The following CYTIP variants were observed in gnomAD, a reference collection of about 807,000 sequenced individuals.
CYTIP encodes cytohesin-interacting protein.
In CYTIP, 26 loss-of-function variants were observed where a neutral mutation model predicts 43.8. That is an observed-to-expected ratio of 0.59 (90% CI 0.44 to 0.82). CYTIP has a LOEUF of 0.82. Ranked by LOEUF, CYTIP falls within the 40% of genes least tolerant of loss-of-function variation. The pLI, the probability that CYTIP is intolerant of heterozygous loss-of-function variation, is 0.00. For missense variants in CYTIP, 426 were observed against 443.1 expected, an observed-to-expected ratio of 0.96 and a Z score of 0.35; for synonymous variants, 162 against 162.9, an observed-to-expected ratio of 0.99 and a Z score of 0.04.
chr2:157,434,181 T>C (rs1448529048), intron 3 of CYTIP, 189 bp downstream of exon 3: 1 of 632,770 alleles, frequency 1.6e-6, no homozygotes, highest in African/African-American at 1.9e-5. Context: ...TTTGTTATCA[T>C]CTTCAATGTT....
chr2:157,440,660 T>A (rs1210242426), intron 1 of CYTIP, among the ~76,000 whole-genome samples: 1 of 152,114 alleles, frequency 6.6e-6, no homozygotes, highest in Non-Finnish European at 1.5e-5. Context: ...AACTTATAGA[T>A]GAAATCAGCC....
At position 157,418,571 on chromosome 2, in the gene CYTIP, AT is replaced by A; in HGVS notation, c.564del (p.Lys188AsnfsTer63). On this transcript the variant is annotated frameshift_variant, in exon 7 of 8. Coordinates refer to ENST00000264192, the MANE Select transcript of CYTIP (RefSeq NM_004288.5). LOFTEE classifies it high-confidence loss of function. ...AACTGCAGAGATCTGTACTCCACCC[AT>A]TTTTGTTTCAAAGTTTGCTGTGAGA... ...LQVLKQTLKQ[K>X]WVEYRSLQLQ... is the part of the protein sequence containing the mutation. 6.5e-7 allele frequency: 1 copy of A among 1,549,618 alleles called. No homozygotes were observed. Among genetic ancestry groups the A allele is most frequent in the Admixed American group, 1.9e-5 (1 of 52,134 alleles).
chr2:157,425,408 T>G (rs1331781642), intron 6 of CYTIP, among the ~76,000 whole-genome samples: 1 of 152,154 alleles, frequency 6.6e-6, no homozygotes, highest in South Asian at 2.1e-4. Context: ...CTACCAGCTA[T>G]AGAACAAAAA....
At chr2:157,440,091 CG>C (rs904107507) in intron 1 of CYTIP, among the ~76,000 whole-genome samples, 2 of 152,094 alleles carry the variant, frequency 1.3e-5, no homozygotes, top group Admixed American at 6.6e-5. Flanking sequence ...GGGGAGGGTG[CG>C]GGGGAGAGGT....
At chr2:157,417,088 A>G (rs1280201926) in intron 7 of CYTIP, among the ~76,000 whole-genome samples, 1 of 152,024 alleles carries the variant, frequency 6.6e-6, no homozygotes, top group African/African-American at 2.4e-5. Flanking sequence ...TACACTCTAA[A>G]ATGGTTTTAT....
intron 5 of CYTIP, among the ~76,000 whole-genome samples, 171 bp from the exon 6 acceptor site, chr2:157,427,591 A>C (rs1327206775): frequency 6.6e-6 from 1 of 152,244 alleles, no homozygotes; most frequent in Admixed American, 6.5e-5. Flanking sequence ...ACCAAAGCCA[A>C]ATCTTCTGAT....
At chr2:157,441,290 A>G (rs926799836) in intron 1 of CYTIP, among the ~76,000 whole-genome samples, 1 of 152,204 alleles carries the variant, frequency 6.6e-6, no homozygotes, top group African/African-American at 2.4e-5. Context: ...ATTATTCTCT[A>G]AAAACCAGTT....
chr2:157,420,196 G>T (rs62175244), intron 6 of CYTIP, among the ~76,000 whole-genome samples: 1 of 152,064 alleles, frequency 6.6e-6, no homozygotes, highest in Admixed American at 6.5e-5. Flanking sequence ...TAATTAGCTG[G>T]GTATGGTGGT....
rs188917654 is a variant in CYTIP, at chr2:157,427,211, G to A, written c.546+140C>T. The A allele has an allele frequency of 6.1e-4, 398 of 657,676 alleles. 1 individual carries two copies. Among genetic ancestry groups the A allele is most frequent in the Non-Finnish European group, 8.8e-4 (344 of 392,128 alleles). 40.7% of individuals were successfully genotyped at this position (657,676 alleles called of 1,614,324 possible). ...GATATTCCTCCAAAGGTAATTGTGC[G>A]GCTCTTGATAATTCAGCAGTTTAGA... is the stretch of plus-strand genomic sequence containing the variant. On this transcript the variant is annotated intron_variant, in intron 6 of 7. Transcript: ENST00000264192.
intron 1 of CYTIP, chr2:157,439,080 G>T: frequency 5.1e-6 from 1 of 196,404 alleles, no homozygotes. Context: ...ACTAGTTAAA[G>T]ATGAAAATAT....
At position 157,415,588 on chromosome 2, in the gene CYTIP, ATTC is replaced by A. The variant is rs1452882573; in HGVS notation, c.*86_*88del. 1.3e-5 allele frequency: 11 copies of A among 861,674 alleles called. No homozygotes were observed. The highest frequency in any genetic ancestry group is 2.5e-5 in the Admixed American group (1 of 39,352). 53.4% of individuals were successfully genotyped at this position (861,674 alleles called of 1,614,324 possible). ...TGTGAAATGGGATGTCAGTTTTGCA[ATTC>A]TTCTGCACTTTCCCACCAAGCTGGG... is the stretch of plus-strand genomic sequence containing the variant. On this transcript the variant is annotated 3_prime_UTR_variant, in exon 8 of 8. Transcript: ENST00000264192.
At chr2:157,439,109 GA>G (rs1685861758) in intron 1 of CYTIP, 1 of 178,486 alleles carries the variant, frequency 5.6e-6, no homozygotes, top group Non-Finnish European at 1.3e-5. Context: ...CACAACATGA[GA>G]AGCATAGCAG....
Position 157,415,780 on chromosome 2 carries a change from C to T in CYTIP, c.977G>A (p.Gly326Glu). 1 of 1,614,206 alleles carries T rather than the reference C, an allele frequency of 6.2e-7. No homozygotes were observed. The highest frequency in any genetic ancestry group is 8.5e-7 in the Non-Finnish European group (1 of 1,180,034). Residue 326 changes from glycine to glutamate, a missense_variant, in exon 8 of 8, where the codon GGG becomes GAG. Coordinates refer to ENST00000264192, the MANE Select transcript of CYTIP (RefSeq NM_004288.5). ...CTTTCTGCTCTTCCGGGGCAGGGTC[C>T]CAAACATGCTTGATAAGTTGCCCTC... ...LWEGNLSSMF[G>E]TLPRKSRKGS...
intron 7 of CYTIP, among the ~76,000 whole-genome samples, chr2:157,416,970 T>C (rs1313285647): frequency 6.6e-6 from 1 of 151,944 alleles, no homozygotes; most frequent in Non-Finnish European, 1.5e-5. Flanking sequence ...ATCTTGTGTG[T>C]GTGTGTGTGT....
At chr2:157,420,530 T>C (rs1419419879) in intron 6 of CYTIP, among the ~76,000 whole-genome samples, 1 of 150,950 alleles carries the variant, frequency 6.6e-6, no homozygotes, top group African/African-American at 2.4e-5. Context: ...AATAAATAAA[T>C]AATTTTTTTA....
In CYTIP at chr2:157,415,861, G is replaced by A; in HGVS notation, c.896C>T (p.Ser299Leu). The change falls in exon 8 of 8, where the codon TCA (serine) becomes TTA (leucine). Residue 299 changes from serine to leucine, a missense_variant. Transcript: ENST00000264192. ...GTTACTGATGCTCCGGTTCCTCCTTGAAGATGACCTCCTCAGAAAATCATC... is the reference window on the plus strand; with the variant it reads ...GTTACTGATGCTCCGGTTCCTCCTTAAAGATGACCTCCTCAGAAAATCATC... ...EGDDFLRRSS[S>L]RRNRSISNTS... 1 of 1,614,162 alleles carries A rather than the reference G, an allele frequency of 6.2e-7. No individual in the cohort carries two copies. Among genetic ancestry groups the A allele is most frequent in the South Asian group, 1.1e-5 (1 of 91,078 alleles).
rs147908791 is a variant in CYTIP at position 157,419,286 on chromosome 2, C to T, written c.547-697G>A. On this transcript the variant is annotated intron_variant, in intron 6 of 7. Coordinates refer to ENST00000264192, the MANE Select transcript of CYTIP (RefSeq NM_004288.5). ...GGGATTACAGGCGTGAGGCACCGTGCCTGGCTTGGACAGCTATTTATTTTC... is the reference window on the plus strand; with the variant it reads ...GGGATTACAGGCGTGAGGCACCGTGTCTGGCTTGGACAGCTATTTATTTTC... Among the ~76,000 whole-genome samples the T allele has an allele frequency of 2.9e-3, 435 of 152,306 alleles. 3 individuals carry two copies. The Middle Eastern group carries it at 0.031, about 11-fold the overall frequency.
chr2:157,434,636 A>T (rs1685778289), intron 2 of CYTIP, 62 bp downstream of exon 2: 1 of 1,281,690 alleles, frequency 7.8e-7, no homozygotes, highest in Non-Finnish European at 1.1e-6. Flanking sequence ...AGGAAAAAAC[A>T]GTCTGGAGAG....
At chr2:157,430,502 G>T in intron 5 of CYTIP, 57 bp downstream of exon 5, 1 of 1,453,740 alleles carries the variant, frequency 6.9e-7, no homozygotes, top group Non-Finnish European at 9.7e-7. Flanking sequence ...TCACTCATCA[G>T]GCTTTATGAG....
Sources: gnomAD v4.1 joint callset for allele counts (sites outside exome capture counted in the v4.1 genomes callset) on GRCh38, gnomAD v4.1.1 for gene constraint, MANE v1.5 for transcripts, NCBI Gene and HGNC (gene_info 2026-07-23, HGNC 2026-07-21) for gene names.